Variants in NLK observed in about 807,000 individuals in gnomAD.
NLK encodes nemo like kinase, also known as serine/threonine-protein kinase NLK.
NLK carries 11 observed loss-of-function variants against 59.0 expected under a neutral mutation model. That is an observed-to-expected ratio of 0.19 (90% CI 0.12 to 0.31). The LOEUF is 0.31. Ranked by LOEUF, NLK falls within the 10% of genes least tolerant of loss-of-function variation. The probability of loss-of-function intolerance (pLI) is 1.00; values close to 1 mark genes in which losing one functional copy is unlikely to be tolerated. For missense variants in NLK, 410 were observed against 661.1 expected (o/e 0.62, Z 4.16); for synonymous variants, 235 against 235.9 (o/e 1.00, Z 0.03).
intron 10 of NLK, 91 bp downstream of exon 10, chr17:28,192,304 T>A (rs879573789): frequency 6.5e-5 from 46 of 709,490 alleles, no homozygotes; most frequent in Non-Finnish European, 1.1e-4. Flanking sequence ...TTTATTTAGA[T>A]AACATAGATA....
At chr17:28,141,885 C>G (rs1907008624) in intron 3 of NLK, among the ~76,000 whole-genome samples, 1 of 152,132 alleles carries the variant, frequency 6.6e-6, no homozygotes, top group Admixed American at 6.6e-5. Flanking sequence ...AAAACAGTGA[C>G]TATTCCAGTC....
At chr17:28,113,475 T>C (rs1449007058) in intron 1 of NLK, among the ~76,000 whole-genome samples, 1 of 152,220 alleles carries the variant, frequency 6.6e-6, no homozygotes. Flanking sequence ...AAACAAAGGA[T>C]GGATTATTTA....
At chr17:28,177,690 G>GA (rs1908740089) in intron 7 of NLK, among the ~76,000 whole-genome samples, 3 of 152,186 alleles carry the variant, frequency 2.0e-5, no homozygotes, top group Admixed American at 6.5e-5. Context: ...AATAGCTCCA[G>GA]AAAAAATCTT....
At chr17:28,046,967 G>A (rs1909078544) in intron 1 of NLK, among the ~76,000 whole-genome samples, 2 of 152,154 alleles carry the variant, frequency 1.3e-5, no homozygotes, top group African/African-American at 4.8e-5. Flanking sequence ...GGAGGTCTTT[G>A]AATTTTATTA....
At chr17:28,183,111 C>T (rs1908978385) in intron 7 of NLK, among the ~76,000 whole-genome samples, 1 of 152,178 alleles carries the variant, frequency 6.6e-6, no homozygotes, top group East Asian at 1.9e-4. Flanking sequence ...GTCTCGACTA[C>T]TCGGGAGGCT....
chr17:28,181,692 T>A (rs1347902904), intron 7 of NLK, among the ~76,000 whole-genome samples: 1 of 152,146 alleles, frequency 6.6e-6, no homozygotes, highest in African/African-American at 2.4e-5. Context: ...ATGTAACTTT[T>A]TTATCCAGAG....
At chr17:28,104,324 G>T (rs569975708) in intron 1 of NLK, among the ~76,000 whole-genome samples, 1 of 152,164 alleles carries the variant, frequency 6.6e-6, no homozygotes, top group Non-Finnish European at 1.5e-5. Context: ...GTGCAATCTC[G>T]GCTCACTGCA....
chr17:28,135,858 T>C (rs1160225924), intron 3 of NLK, among the ~76,000 whole-genome samples: 3 of 152,234 alleles, frequency 2.0e-5, no homozygotes, highest in Admixed American at 1.3e-4. Flanking sequence ...TGTATGTGCT[T>C]CTGTAAGATA....
intron 2 of NLK, among the ~76,000 whole-genome samples, chr17:28,128,205 A>G (rs1349289586): frequency 1.3e-5 from 2 of 152,204 alleles, no homozygotes; most frequent in Non-Finnish European, 2.9e-5. Context: ...ATAAGCAAAG[A>G]TGTCTTAACT....
At chr17:28,120,233 GGGGT>G (rs1388029284) in intron 1 of NLK, among the ~76,000 whole-genome samples, 2 of 106,882 alleles carry the variant, frequency 1.9e-5, no homozygotes, top group Non-Finnish European at 3.8e-5. Flanking sequence ...GATTTGGCTT[GGGGT>G]GTGTGTGTGT....
intron 3 of NLK, among the ~76,000 whole-genome samples, chr17:28,135,553 C>T (rs1204844393): frequency 6.6e-6 from 1 of 152,220 alleles, no homozygotes; most frequent in Non-Finnish European, 1.5e-5. Context: ...ATTGCAGTGG[C>T]CCAGAGGTTA....
intron 1 of NLK, among the ~76,000 whole-genome samples, chr17:28,087,149 G>T (rs1026527248): frequency 1.3e-5 from 2 of 151,924 alleles, no homozygotes; most frequent in African/African-American, 2.4e-5. Flanking sequence ...CAAAATAAAT[G>T]AGTTTTCAGA....
chr17:28,177,742 A>G (rs1460535982), intron 7 of NLK, among the ~76,000 whole-genome samples: 1 of 152,264 alleles, frequency 6.6e-6, no homozygotes, highest in Non-Finnish European at 1.5e-5. Flanking sequence ...TATAAGTAGT[A>G]GAAAATTATA....
intron 3 of NLK, among the ~76,000 whole-genome samples, chr17:28,136,275 C>G (rs781166876): frequency 7.2e-5 from 11 of 152,150 alleles, no homozygotes; most frequent in Non-Finnish European, 1.5e-4. Context: ...TCTTTCAAAC[C>G]TAAACTTCAG....
chr17:28,079,781 T>A (rs546518229), intron 1 of NLK, among the ~76,000 whole-genome samples: 24 of 152,340 alleles, frequency 1.6e-4, no homozygotes, highest in Admixed American at 1.3e-3. Flanking sequence ...GGTTGCCTTA[T>A]CACTCTGTTG....
intron 1 of NLK, among the ~76,000 whole-genome samples, chr17:28,088,009 C>T (rs1396187343): frequency 6.6e-6 from 1 of 152,140 alleles, no homozygotes; most frequent in Non-Finnish European, 1.5e-5. Flanking sequence ...GTGGTTCCCT[C>T]TCTTATTTTT....
chr17:28,190,851 C>T, intron 8 of NLK, 170 bp from the exon 9 acceptor site: 1 of 522,078 alleles, frequency 1.9e-6, no homozygotes, highest in Non-Finnish European at 3.4e-6. Flanking sequence ...TCATACACTC[C>T]CTCTGCTGCT....
At chr17:28,178,411 G>T (rs564650878) in intron 7 of NLK, among the ~76,000 whole-genome samples, 1 of 152,274 alleles carries the variant, frequency 6.6e-6, no homozygotes, top group Admixed American at 6.5e-5. Flanking sequence ...AAAACACTGT[G>T]TGATGTTTCA....
chr17:28,160,884 T>C (rs1448321988), intron 3 of NLK, among the ~76,000 whole-genome samples: 1 of 152,234 alleles, frequency 6.6e-6, no homozygotes, highest in Non-Finnish European at 1.5e-5. Context: ...GCCTGGCTGT[T>C]ATTTAAAATG....
Sources: gnomAD v4.1 joint callset for allele counts (sites outside exome capture counted in the v4.1 genomes callset) on GRCh38, gnomAD v4.1.1 for gene constraint, MANE v1.5 for transcripts, NCBI Gene and HGNC (gene_info 2026-07-23, HGNC 2026-07-21) for gene names.